The following DPP8 variants were observed in gnomAD, a reference collection of about 807,000 sequenced individuals.
DPP8 encodes the protein dipeptidyl peptidase 8, also known as DPP VIII.
Under a neutral mutation model 107.5 loss-of-function variants are expected in DPP8, and 31 were observed. That is an observed-to-expected ratio of 0.29 (90% CI 0.22 to 0.39). The LOEUF (loss-of-function observed/expected upper bound fraction) is 0.39. Among genes scored for constraint, DPP8 ranks in the 10% least tolerant of loss-of-function variants. DPP8 has a pLI of 1.00. For missense variants in DPP8, 842 were observed against 1,076.1 expected, an observed-to-expected ratio of 0.78 and a Z score of 3.04; for synonymous variants, 381 against 356.6, an observed-to-expected ratio of 1.07 and a Z score of -0.77.
intron 11 of DPP8, chr15:65,475,174 A>T (rs967647433): frequency 2.6e-6 from 1 of 378,108 alleles, no homozygotes; most frequent in African/African-American, 2.0e-5. Flanking sequence ...TAAAGGAGGA[A>T]GTCCAGGGCA....
chr15:65,477,230 G>A lies in DPP8; in HGVS notation c.1456+1650C>T, dbSNP rs1348054571. Among the ~76,000 whole-genome samples, 5 of 151,780 alleles carry A rather than the reference G, an allele frequency of 3.3e-5. No individual in the cohort carries two copies. The East Asian group carries it at 5.8e-4, about 18-fold the overall frequency. On this transcript the variant is annotated intron_variant, in intron 11 of 19. Coordinates refer to ENST00000300141, the MANE Select transcript of DPP8 (RefSeq NM_130434.5). ...GAGGTCAGGAGTTCGAGACCAGCCC[G>A]GCCAAAATACAAAAATTAGCTGGGT...
In DPP8 at chr15:65,467,099, C is replaced by G; in HGVS notation, c.1661G>C (p.Gly554Ala). ...PGEVTRLTDR[G>A]YSHSCCISQH... ...ACTGATGCAGCAAGAATGTGAGTAG[C>G]CACGGTCAGTCAGCCTTGTCACCTC... Residue 554 changes from glycine (G) to alanine (A), a missense_variant, in exon 13 of 20, where the codon GGC becomes GCC. Physicochemically the swap from Gly to Ala is moderately conservative, Grantham distance 60. Coordinates refer to ENST00000300141, the MANE Select transcript of DPP8 (RefSeq NM_130434.5). 1 of 1,614,112 alleles carries G rather than the reference C, an allele frequency of 6.2e-7. No homozygotes were observed. The highest frequency in any genetic ancestry group is 8.5e-7 in the Non-Finnish European group (1 of 1,180,012).
At chr15:65,506,414 C>T (rs1221842213) in intron 3 of DPP8, among the ~76,000 whole-genome samples, 1 of 151,816 alleles carries the variant, frequency 6.6e-6, no homozygotes, top group Non-Finnish European at 1.5e-5. Context: ...TGTACCGAAA[C>T]ATTATCTTTG....
chr15:65,512,119 A>G, intron 2 of DPP8, 176 bp downstream of exon 2: 2 of 749,184 alleles, frequency 2.7e-6, no homozygotes, highest in Non-Finnish European at 4.6e-6. Context: ...CTACAAGTAA[A>G]AATAAAGTTA....
intron 17 of DPP8, among the ~76,000 whole-genome samples, 197 bp downstream of exon 17, chr15:65,454,066 G>T (rs535922467): frequency 6.5e-4 from 98 of 151,000 alleles, no homozygotes; most frequent in Middle Eastern, 3.4e-3. Flanking sequence ...TGAACCCAGG[G>T]GCAGAGATTG....
intron 17 of DPP8, among the ~76,000 whole-genome samples, chr15:65,453,327 T>C (rs2064128812): frequency 6.6e-6 from 1 of 152,152 alleles, no homozygotes; most frequent in Non-Finnish European, 1.5e-5. Flanking sequence ...TGTGTTTTAC[T>C]AATCATAACC....
At chr15:65,467,482 A>G (rs1484352511) in intron 12 of DPP8, among the ~76,000 whole-genome samples, 2 of 152,166 alleles carry the variant, frequency 1.3e-5, no homozygotes, top group Non-Finnish European at 2.9e-5. Flanking sequence ...CCAAGGCTGA[A>G]GCTATACTCT....
At chr15:65,487,098 C>T (rs1217536028) in intron 7 of DPP8, among the ~76,000 whole-genome samples, 4 of 151,386 alleles carry the variant, frequency 2.6e-5, no homozygotes, top group Non-Finnish European at 5.9e-5. Flanking sequence ...GGAAAAAAAT[C>T]ACTTATTATG....
At chr15:65,451,909 A>C in intron 18 of DPP8, 51 bp downstream of exon 18, 1 of 1,502,788 alleles carries the variant, frequency 6.7e-7, no homozygotes, top group East Asian at 2.3e-5. Flanking sequence ...TAAGTGACAG[A>C]GTGAGACCCT....
intron 2 of DPP8, among the ~76,000 whole-genome samples, chr15:65,511,371 T>C (rs2070744518): frequency 1.3e-5 from 2 of 151,858 alleles, no homozygotes; most frequent in African/African-American, 4.8e-5. Context: ...TGACCATTAT[T>C]AGAGGTCTGG....
At chr15:65,454,030 C>T (rs2064192116) in intron 17 of DPP8, among the ~76,000 whole-genome samples, 1 of 149,770 alleles carries the variant, frequency 6.7e-6, no homozygotes, top group Non-Finnish European at 1.5e-5. Flanking sequence ...GATATGAGAA[C>T]AGGAGGCTGA....
At chr15:65,461,903 GT>G (rs879538765) in intron 15 of DPP8, among the ~76,000 whole-genome samples, 76 of 136,784 alleles carry the variant, frequency 5.6e-4, no homozygotes, top group African/African-American at 5.3e-4. Context: ...ACAGCCGACC[GT>G]TTTTTTTTTT....
chr15:65,494,060 G>C lies in DPP8; in HGVS notation c.716-3761C>G, dbSNP rs551059383. 8.2e-4 allele frequency among the ~76,000 whole-genome samples: 121 copies of C among 147,242 alleles called. 1 individual carries two copies. In the Middle Eastern group the frequency reaches 0.01, roughly 13 times the overall value. ...CTATTAATTAATATCTGTTTTTACAGATGTGGAAACTAAGAGATGGTTAAA... is the reference window on the plus strand; with the variant it reads ...CTATTAATTAATATCTGTTTTTACACATGTGGAAACTAAGAGATGGTTAAA... On this transcript the variant is annotated intron_variant, in intron 5 of 19. Coordinates refer to ENST00000300141, the MANE Select transcript of DPP8 (RefSeq NM_130434.5).
At chr15:65,515,546 T>C (rs2071345150) in intron 1 of DPP8, 5 of 913,224 alleles carry the variant, frequency 5.5e-6, no homozygotes, top group African/African-American at 1.7e-5. Flanking sequence ...GTGACCTGAA[T>C]TTTCTAATGT....
Position 65,446,851 on chromosome 15 carries a change from A to G in DPP8, c.*33T>C, listed in dbSNP as rs777805510. ...AACCTCCTCATTTGGTTAAATAGCC[A>G]GTGTATACCAGAGAGTTCTACACAG... On this transcript the variant is annotated 3_prime_UTR_variant, in exon 20 of 20. Coordinates refer to ENST00000300141, the MANE Select transcript of DPP8 (RefSeq NM_130434.5). The G allele has an allele frequency of 2.6e-6, 4 of 1,560,434 alleles. No individual in the cohort carries two copies. The Admixed American group carries it at 6.0e-5, about 24-fold the overall frequency.
At chr15:65,469,881 C>G (rs546681120) in intron 12 of DPP8, among the ~76,000 whole-genome samples, 1 of 151,536 alleles carries the variant, frequency 6.6e-6, no homozygotes, top group Admixed American at 6.6e-5. Context: ...TAAAGCTTTA[C>G]CCAATTACTG....
intron 17 of DPP8, among the ~76,000 whole-genome samples, chr15:65,452,918 G>A (rs1376506921): frequency 6.6e-5 from 10 of 151,634 alleles, no homozygotes; most frequent in African/African-American, 2.4e-4. Flanking sequence ...GTTGCAGTGA[G>A]CCGAGATCGC....
rs139380256 is a variant in DPP8, at chr15:65,490,258, C to A, written c.757G>T (p.Ala253Ser). 519 of 1,613,676 alleles carry A rather than the reference C, an allele frequency of 3.2e-4. No homozygotes were observed. The highest frequency in any genetic ancestry group is 6.5e-4 in the Admixed American group (39 of 60,008). Residue 253 changes from alanine (A) to serine (S), a missense_variant, in exon 6 of 20, where the codon GCT (alanine) becomes TCT (serine). By Grantham distance (99) the Ala-to-Ser change is moderately conservative (BLOSUM62 1). This residue lies in a region of DPP8 where 663 missense variants were observed against 758.0 expected (regional missense o/e 0.87). Transcript: ENST00000300141. ...AATTCTTCTTGGAGAACAAAGGTAGCGACTCCAGCTGATCTGGCATCTTCT... is the reference window on the plus strand; with the variant it reads ...AATTCTTCTTGGAGAACAAAGGTAGAGACTCCAGCTGATCTGGCATCTTCT... The part of the protein sequence containing the change: ...MEEDARSAGV[A>S]TFVLQEEFDR...
intron 11 of DPP8, chr15:65,475,367 G>A: frequency 2.1e-6 from 3 of 1,412,688 alleles, no homozygotes; most frequent in Non-Finnish European, 3.0e-6. Flanking sequence ...GGCTTTGGAG[G>A]AACAGGAGAA....
Sources: allele counts gnomAD v4.1 joint callset (sites outside exome capture counted in the v4.1 genomes callset), GRCh38; gene constraint gnomAD v4.1.1; regional missense constraint gnomAD v4.1.1; transcripts MANE v1.5; gene names NCBI Gene and HGNC (gene_info 2026-07-23, HGNC 2026-07-21).